The following DNAJB6 variants were observed in gnomAD, a reference collection of about 807,000 sequenced individuals.
DNAJB6 encodes dnaJ homolog subfamily B member 6.
In DNAJB6, 16 loss-of-function variants were observed where a neutral mutation model predicts 42.7. The observed-to-expected ratio is 0.37, with a 90% CI of 0.25 to 0.57. DNAJB6 has a LOEUF of 0.57. Among genes scored for constraint, DNAJB6 ranks in the 20% least tolerant of loss-of-function variants. DNAJB6 has a pLI of 0.74. For missense variants in DNAJB6, 347 were observed against 416.8 expected (o/e 0.83, Z 1.46); for synonymous variants, 170 against 163.5 (o/e 1.04, Z -0.30).
At chr7:157,389,112 C>A (rs1330092167) in intron 8 of DNAJB6, among the ~76,000 whole-genome samples, 3 of 152,130 alleles carry the variant, frequency 2.0e-5, no homozygotes, top group Non-Finnish European at 2.9e-5. Context: ...ATGTTCCTTA[C>A]AATGTGGAAA....
rs902019051 is a variant in DNAJB6 at position 157,340,997 on chromosome 7, T to TGTGTGC, written c.-27+3854_-27+3855insTGTGCG. Among the ~76,000 whole-genome samples the TGTGTGC allele has an allele frequency of 2.4e-4, 28 of 118,396 alleles. No homozygotes were observed. In the South Asian group the frequency reaches 6.2e-3, roughly 26 times the overall value. The allele number at this position is 118,396 out of a possible 152,430, so 77.7% of individuals were successfully genotyped here. ...GTGTGTGTGTGTGTGTGTGTGTGTG[T>TGTGTGC]GCGCGCGCGCAGGTGGAATCACCCT... On this transcript the variant is annotated intron_variant, in intron 1 of 9. Transcript: ENST00000262177.
At chr7:157,357,614 A>G (rs900655978) in intron 1 of DNAJB6, among the ~76,000 whole-genome samples, 1 of 151,988 alleles carries the variant, frequency 6.6e-6, no homozygotes, top group Non-Finnish European at 1.5e-5. Flanking sequence ...CCGGCTGTGC[A>G]GATTCTTGAT....
intron 8 of DNAJB6, among the ~76,000 whole-genome samples, chr7:157,387,696 C>A (rs973900819): frequency 2.0e-5 from 3 of 152,210 alleles, no homozygotes; most frequent in African/African-American, 7.2e-5. Flanking sequence ...TGGAGTGTTT[C>A]ATGCAACTCT....
At chr7:157,357,891 A>G (rs59957221) in intron 1 of DNAJB6, among the ~76,000 whole-genome samples, 6,292 of 152,232 alleles carry the variant, frequency 0.041, 126 homozygotes, top group Middle Eastern at 0.058. Context: ...TAGTGATACT[A>G]TCTAATTAGT....
intron 5 of DNAJB6, 26 bp from the exon 6 acceptor site, chr7:157,382,220 T>C (rs1800819317): frequency 7.7e-6 from 12 of 1,562,074 alleles, no homozygotes; most frequent in Non-Finnish European, 1.0e-5. Flanking sequence ...AAAGACTTCA[T>C]AGTGTGTGTT....
Position 157,416,736 on chromosome 7 carries a change from C to T in DNAJB6, c.*638C>T, listed in dbSNP as rs554589200. On this transcript the variant is annotated 3_prime_UTR_variant, in exon 10 of 10. Coordinates refer to ENST00000262177, the MANE Select transcript of DNAJB6 (RefSeq NM_058246.4). ...ATATGGTGTAGGTTTTGCTAGATTC[C>T]ATATTTTTTTCTTGGATTTTTGCTA... 1 of 152,194 alleles carries T rather than the reference C, an allele frequency of 6.6e-6. No homozygotes were observed. Among genetic ancestry groups the T allele is most frequent in the African/African-American group, 2.4e-5 (1 of 41,508 alleles). 9.4% of individuals were successfully genotyped at this position (152,194 alleles called of 1,614,324 possible).
chr7:157,409,841 C>T lies in DNAJB6; in HGVS notation c.738C>T (p.Gly246=), dbSNP rs1795908219. ...TCGCTGAGGAGCGCATGCGGAGAGG[C>T]CAGAACGCCCTGCCAGCCCAGCCTG... ...DALAEERMRR[G]QNALPAQPAG... The change falls in exon 9 of 10, where the codon GGC becomes GGT. Residue 246 remains glycine, a synonymous_variant. Transcript: ENST00000262177. 6.5e-7 allele frequency: 1 copy of T among 1,533,678 alleles called. No homozygotes were observed. Among genetic ancestry groups the T allele is most frequent in the Non-Finnish European group, 8.7e-7 (1 of 1,145,708 alleles).
intron 6 of DNAJB6, 192 bp downstream of exon 6, chr7:157,382,569 G>T: frequency 2.4e-6 from 1 of 411,648 alleles, no homozygotes; most frequent in South Asian, 6.0e-5. Flanking sequence ...TCCTAAGAAT[G>T]TCGTGCTTGG....
intron 1 of DNAJB6, among the ~76,000 whole-genome samples, chr7:157,352,697 C>T (rs553339616): frequency 5.9e-5 from 9 of 152,254 alleles, no homozygotes; most frequent in Admixed American, 1.3e-4. Context: ...CTTTCTACTT[C>T]ATCACAAGCA....
intron 5 of DNAJB6, chr7:157,369,382 A>C (rs750177697): frequency 4.4e-6 from 2 of 456,682 alleles, no homozygotes; most frequent in South Asian, 3.1e-5. Flanking sequence ...TTTGGGTTGA[A>C]GTCCTGTGTT....
intron 1 of DNAJB6, among the ~76,000 whole-genome samples, chr7:157,339,557 C>T (rs1798235672): frequency 6.6e-6 from 1 of 151,722 alleles, no homozygotes; most frequent in Non-Finnish European, 1.5e-5. Flanking sequence ...CCTCGGCCTC[C>T]CAAAGTGCTG....
At chr7:157,365,093 G>A (rs537102949) in intron 3 of DNAJB6, among the ~76,000 whole-genome samples, 4 of 152,278 alleles carry the variant, frequency 2.6e-5, no homozygotes, top group Admixed American at 2.0e-4. Context: ...CTGGGACCAC[G>A]GGTGGGTGCC....
At chr7:157,411,428 A>T (rs28463018) in intron 9 of DNAJB6, 153 of 63,868 alleles carry the variant, frequency 2.4e-3, no homozygotes, top group Non-Finnish European at 3.0e-3. Flanking sequence ...GAGCGGGCGT[A>T]GGGGAGGCTC....
intron 1 of DNAJB6, among the ~76,000 whole-genome samples, chr7:157,357,157 A>G (rs1300103498): frequency 6.6e-6 from 1 of 150,432 alleles, no homozygotes; most frequent in Non-Finnish European, 1.5e-5. Context: ...ACAAAAAACA[A>G]AAACCAAGAG....
intron 8 of DNAJB6, among the ~76,000 whole-genome samples, chr7:157,406,504 C>G (rs1441077699): frequency 1.3e-5 from 2 of 152,190 alleles, no homozygotes; most frequent in African/African-American, 4.8e-5. Flanking sequence ...CCCCAGCCTT[C>G]CTCCCAAGTG....
Position 157,416,424 on chromosome 7 carries a change from C to T in DNAJB6, c.*326C>T, listed in dbSNP as rs1249697801. ...CACTCCGCATGCTGCTGGAATATTTCTGGCTTTAGAAGTACAGGAGGGCGC... is the reference window on the plus strand; with the variant it reads ...CACTCCGCATGCTGCTGGAATATTTTTGGCTTTAGAAGTACAGGAGGGCGC... On this transcript the variant is annotated 3_prime_UTR_variant, in exon 10 of 10. Coordinates refer to ENST00000262177, the MANE Select transcript of DNAJB6 (RefSeq NM_058246.4). 1 of 307,630 alleles carries T rather than the reference C, an allele frequency of 3.3e-6. No individual in the cohort carries two copies. Among genetic ancestry groups the T allele is most frequent in the Non-Finnish European group, 6.2e-6 (1 of 161,448 alleles). 19.1% of individuals were successfully genotyped at this position (307,630 alleles called of 1,614,324 possible).
intron 1 of DNAJB6, among the ~76,000 whole-genome samples, chr7:157,344,397 C>T (rs1432339997): frequency 6.6e-6 from 1 of 151,588 alleles, no homozygotes; most frequent in Non-Finnish European, 1.5e-5. Context: ...CCTGTAGTCC[C>T]AGGTACTCGG....
At chr7:157,341,957 C>T (rs1798411779) in intron 1 of DNAJB6, among the ~76,000 whole-genome samples, 1 of 152,130 alleles carries the variant, frequency 6.6e-6, no homozygotes, top group Non-Finnish European at 1.5e-5. Context: ...ACCTCCACCT[C>T]TGGGGTTCAA....
At chr7:157,376,485 A>G (rs971777020) in intron 5 of DNAJB6, among the ~76,000 whole-genome samples, 3 of 152,184 alleles carry the variant, frequency 2.0e-5, no homozygotes, top group African/African-American at 7.2e-5. Context: ...ATTTGAAGAG[A>G]TGTATTCTGA....
Sources: gnomAD v4.1 joint callset for allele counts (sites outside exome capture counted in the v4.1 genomes callset) on GRCh38, gnomAD v4.1.1 for gene constraint, MANE v1.5 for transcripts, NCBI Gene and HGNC (gene_info 2026-07-23, HGNC 2026-07-21) for gene names.